Variants in ECI1 observed in about 807,000 individuals in gnomAD.
The protein encoded by ECI1 is enoyl-CoA delta isomerase 1.
ECI1 carries 34 observed loss-of-function variants against 34.2 expected under a neutral mutation model. The ratio of observed to expected loss-of-function variants is 1.00; its 90% CI spans 0.76 to 1.33. The LOEUF (loss-of-function observed/expected upper bound fraction) is 1.33. Ranked by LOEUF, ECI1 falls within the 40% of genes most tolerant of loss-of-function variation. ECI1 has a pLI of 0.00. For missense variants in ECI1, 456 were observed against 422.2 expected, an observed-to-expected ratio of 1.08 and a Z score of -0.70; for synonymous variants, 211 against 193.0, an observed-to-expected ratio of 1.09 and a Z score of -0.77.
intron 3 of ECI1, 84 bp downstream of exon 3, chr16:2,246,775 T>C: frequency 3.8e-6 from 6 of 1,599,538 alleles, no homozygotes; most frequent in East Asian, 2.2e-5. Context: ...GCTCTGCCTC[T>C]TCCATGTGCA....
intron 6 of ECI1, chr16:2,241,654 T>A (rs1035774358): frequency 5.9e-5 from 9 of 152,116 alleles, no homozygotes; most frequent in African/African-American, 2.2e-4. Context: ...TTGTGACATG[T>A]GAAAATTATG....
At chr16:2,250,796 G>A (rs1463837018) in intron 2 of ECI1, among the ~76,000 whole-genome samples, 1 of 152,060 alleles carries the variant, frequency 6.6e-6, no homozygotes, top group African/African-American at 2.4e-5. Flanking sequence ...TTAGATAACA[G>A]CTCATATCCC....
chr16:2,249,993 C>T (rs1293894848), intron 2 of ECI1, among the ~76,000 whole-genome samples: 2 of 139,778 alleles, frequency 1.4e-5, no homozygotes, highest in East Asian at 4.2e-4. Flanking sequence ...GCCTGGGTGA[C>T]AGAGGGAGCC....
In ECI1 at chr16:2,244,494, G is replaced by A. The variant is rs1474024035; in HGVS notation, c.353C>T (p.Pro118Leu). 6.2e-7 allele frequency: 1 copy of A among 1,608,254 alleles called. No individual in the cohort carries two copies. Among genetic ancestry groups the A allele is most frequent in the South Asian group, 1.1e-5 (1 of 89,976 alleles). The change falls in exon 4 of 7, where the codon CCC (proline) becomes CTC (leucine). Residue 118 changes from proline to leucine, a missense_variant. Coordinates refer to ENST00000301729, the MANE Select transcript of ECI1 (RefSeq NM_001919.4). ...LDLTEMCGRS[P>L]AHYAGYWKAV... ...CTTCCAGTACCCAGCGTAGTGGGCG[G>A]GGCTCCTCCCACACATCTCCGTCAG...
At chr16:2,246,820 A>C in intron 3 of ECI1, 39 bp downstream of exon 3, 2 of 1,611,204 alleles carry the variant, frequency 1.2e-6, no homozygotes, top group Non-Finnish European at 1.7e-6. Flanking sequence ...ACTCAGGCCA[A>C]GAACTCGGGC....
chr16:2,240,075 A>G lies in ECI1; in HGVS notation c.813T>C (p.Asp271=), dbSNP rs768268784. The G allele has an allele frequency of 9.3e-6, 15 of 1,614,026 alleles. No individual in the cohort carries two copies. The highest frequency in any genetic ancestry group is 1.2e-5 in the Non-Finnish European group (14 of 1,180,046). ...AGCTGACGAAGTTCTGCACGTCCGC[A>G]TCGCGCTGCGTGACCAGGCGGCTGG... ...ATASRLVTQR[D]ADVQNFVSFI... The change falls in exon 7 of 7, where the codon GAT becomes GAC. Residue 271 remains aspartate (D), a synonymous_variant. Coordinates refer to ENST00000301729, the MANE Select transcript of ECI1 (RefSeq NM_001919.4).
At chr16:2,242,621 G>T (rs542274865) in intron 6 of ECI1, 17 of 215,762 alleles carry the variant, frequency 7.9e-5, no homozygotes, top group Non-Finnish European at 1.3e-4. Context: ...TGGATTTAAG[G>T]TAGGTCCTAA....
chr16:2,240,943 C>T lies in ECI1; in HGVS notation c.743-798G>A, dbSNP rs1555481617. 1.3e-5 allele frequency: 2 copies of T among 152,218 alleles called. 1 individual carries two copies. Among genetic ancestry groups the T allele is most frequent in the Non-Finnish European group, 2.9e-5 (2 of 68,042 alleles). 9.4% of individuals were successfully genotyped at this position (152,218 alleles called of 1,614,324 possible). On this transcript the variant is annotated intron_variant, in intron 6 of 6. Transcript: ENST00000301729. ...CTCCTGACCTCAGGTGATCCACCCT[C>T]CTTGGCCTCCCAAAGTGCCGGGATT...
At position 2,246,859 on chromosome 16, in the gene ECI1, C is replaced by T. The variant is rs1389525435; in HGVS notation, c.294G>A (p.Ser98=). The change falls in exon 3 of 7, where the codon TCG becomes TCA. Residue 98 remains serine (S), a splice_region_variant and synonymous_variant. Coordinates refer to ENST00000301729, the MANE Select transcript of ECI1 (RefSeq NM_001919.4). ...GGTAGGGAGCTGAACTAGCACCTAC[C>T]GAGGTCAGAATGACACCGCGGAAGC... ...DKSFRGVILT[S]DRPGVFSAGL... 8.7e-6 allele frequency: 14 copies of T among 1,612,514 alleles called. No homozygotes were observed. The highest frequency in any genetic ancestry group is 1.2e-5 in the Non-Finnish European group (14 of 1,180,004).
chr16:2,240,231 A>G, intron 6 of ECI1, 86 bp from the exon 7 acceptor site: 1 of 1,391,032 alleles, frequency 7.2e-7, no homozygotes. Flanking sequence ...TTATTTTTTG[A>G]GACGGAGTCT....
intron 2 of ECI1, among the ~76,000 whole-genome samples, chr16:2,249,390 GACT>G (rs2093547534): frequency 6.6e-6 from 1 of 151,938 alleles, no homozygotes. Context: ...GGGTAGTGTG[GACT>G]ACACATTGTG....
At chr16:2,242,491 T>C (rs997616003) in intron 6 of ECI1, 1 of 161,134 alleles carries the variant, frequency 6.2e-6, no homozygotes, top group Non-Finnish European at 1.4e-5. Flanking sequence ...ATTGTCTTTG[T>C]AGTAGGTTGA....
Position 2,248,093 on chromosome 16 carries a change from TTCTC to T in ECI1, c.167-1111_167-1108del, listed in dbSNP as rs200472245. Among the ~76,000 whole-genome samples the T allele has an allele frequency of 2.5e-3, 381 of 152,284 alleles. 3 individuals are homozygous for T. In the East Asian group the frequency reaches 0.034, roughly 13 times the overall value. On this transcript the variant is annotated intron_variant, in intron 2 of 6. Coordinates refer to ENST00000301729, the MANE Select transcript of ECI1 (RefSeq NM_001919.4). ...GCTTTTTAAATCAACCATTCTCTCTTTCTCTCTCTATCATTTTTTTCTGAGACAG... is the reference window on the plus strand; with the variant it reads ...GCTTTTTAAATCAACCATTCTCTCTTTCTCTATCATTTTTTTCTGAGACAG...
chr16:2,245,109 C>T (rs2093537204), intron 3 of ECI1, among the ~76,000 whole-genome samples: 1 of 152,316 alleles, frequency 6.6e-6, no homozygotes, highest in South Asian at 2.1e-4. Context: ...ACAGGAGCCT[C>T]AGACTCCCAG....
chr16:2,243,105 G>A lies in ECI1; in HGVS notation c.683C>T (p.Pro228Leu), dbSNP rs752811837. The A allele has an allele frequency of 2.7e-5, 44 of 1,605,624 alleles. No individual in the cohort carries two copies. Among genetic ancestry groups the A allele is most frequent in the Non-Finnish European group, 3.3e-5 (39 of 1,179,794 alleles). The change falls in exon 6 of 7, where the codon CCG (proline) becomes CTG (leucine). Residue 228 changes from proline (P) to leucine (L), a missense_variant. Coordinates refer to ENST00000301729, the MANE Select transcript of ECI1 (RefSeq NM_001919.4). ...CGCAGTGCTCTGCACCTGCTCCTCC[G>A]GGACCACCTGGTCCACTATGCCCAC... ...LQVGIVDQVV[P>L]EEQVQSTALS... is the part of the protein sequence containing the mutation.
At chr16:2,249,484 TAC>T (rs373001180) in intron 2 of ECI1, among the ~76,000 whole-genome samples, 6 of 151,360 alleles carry the variant, frequency 4.0e-5, no homozygotes, top group Middle Eastern at 3.4e-3. Context: ...GATTTTTATG[TAC>T]ACACACACAC....
intron 2 of ECI1, among the ~76,000 whole-genome samples, chr16:2,250,879 T>C (rs1235397700): frequency 2.0e-5 from 3 of 152,194 alleles, no homozygotes; most frequent in African/African-American, 2.4e-5. Flanking sequence ...TGGAGTGCAG[T>C]GGCACAATCT....
chr16:2,247,776 T>C (rs959668181), intron 2 of ECI1, among the ~76,000 whole-genome samples: 1 of 152,160 alleles, frequency 6.6e-6, no homozygotes, highest in African/African-American at 2.4e-5. Flanking sequence ...GTGTGATCTC[T>C]GGTTACTGCA....
chr16:2,243,301 G>A lies in ECI1; in HGVS notation c.563+17C>T, dbSNP rs1157450416. The A allele has an allele frequency of 6.2e-7, 1 of 1,613,526 alleles. No homozygotes were observed. The highest frequency in any genetic ancestry group is 1.3e-5 in the African/African-American group (1 of 75,080). On this transcript the variant is annotated intron_variant, in intron 5 of 6. Coordinates refer to ENST00000301729, the MANE Select transcript of ECI1 (RefSeq NM_001919.4). ...TCCACAACAAGCATGGAGCGTGGCT[G>A]CAGCCCAGGGCCTTACCAGAAAGGG...
Sources: allele counts gnomAD v4.1 joint callset (sites outside exome capture counted in the v4.1 genomes callset), GRCh38; gene constraint gnomAD v4.1.1; transcripts MANE v1.5; gene names NCBI Gene and HGNC (gene_info 2026-07-23, HGNC 2026-07-21).